The following DNAI3 variants were observed in gnomAD, a reference collection of about 807,000 sequenced individuals.
The protein encoded by DNAI3 is dynein axonemal intermediate chain 3.
DNAI3 carries 83 observed loss-of-function variants against 115.5 expected under a neutral mutation model. The ratio of observed to expected loss-of-function variants is 0.72; its 90% CI spans 0.60 to 0.86. The LOEUF (loss-of-function observed/expected upper bound fraction) is 0.86, where lower values mean the gene tolerates loss of function less well. DNAI3 is among the 40% of genes least tolerant of loss of function. The pLI is 0.00. For synonymous variants in DNAI3, 320 were observed against 347.0 expected, an observed-to-expected ratio of 0.92 and a Z score of 0.86; for missense variants, 1,004 against 1,075.8, an observed-to-expected ratio of 0.93 and a Z score of 0.93.
chr1:85,062,804 T>G (rs1257182637), intron 1 of DNAI3, among the ~76,000 whole-genome samples: 1 of 150,666 alleles, frequency 6.6e-6, no homozygotes, highest in South Asian at 2.1e-4. Context: ...ATGAGTCAGT[T>G]AATGAATGAA....
At chr1:85,105,483 G>A (rs1655459609) in intron 14 of DNAI3, among the ~76,000 whole-genome samples, 1 of 146,918 alleles carries the variant, frequency 6.8e-6, no homozygotes, top group Non-Finnish European at 1.5e-5. Context: ...GTGCGAGATT[G>A]CGCCATTGCA....
chr1:85,072,628 TGA>T (rs1491397804), intron 2 of DNAI3, among the ~76,000 whole-genome samples: 33 of 122,948 alleles, frequency 2.7e-4, no homozygotes, highest in African/African-American at 1.0e-3. Context: ...GGCAACAGAC[TGA>T]GACTCCATCT....
chr1:85,095,888 T>A, intron 10 of DNAI3, 43 bp from the exon 11 acceptor site: 1 of 1,548,930 alleles, frequency 6.5e-7, no homozygotes, highest in Non-Finnish European at 8.9e-7. Flanking sequence ...ATGATCTTAA[T>A]CTCTTTTCTC....
At chr1:85,073,906 CA>C (rs1654368934) in intron 3 of DNAI3, among the ~76,000 whole-genome samples, 1 of 152,038 alleles carries the variant, frequency 6.6e-6, no homozygotes, top group Non-Finnish European at 1.5e-5. Context: ...GTAGAGGGGG[CA>C]GAGGTGTGGA....
intron 20 of DNAI3, among the ~76,000 whole-genome samples, chr1:85,128,436 A>C (rs1656214908): frequency 6.6e-6 from 1 of 152,200 alleles, no homozygotes. Flanking sequence ...GCCAGGAGCC[A>C]CATTCCTTAT....
At chr1:85,110,161 A>T in intron 16 of DNAI3, 26 bp downstream of exon 16, 1 of 1,604,144 alleles carries the variant, frequency 6.2e-7, no homozygotes, top group Non-Finnish European at 8.5e-7. Context: ...TATTTAAAAA[A>T]AAAAAAAAGG....
chr1:85,085,800 A>G (rs574118617), intron 6 of DNAI3, 31 bp from the exon 7 acceptor site: 3 of 1,143,188 alleles, frequency 2.6e-6, no homozygotes, highest in African/African-American at 3.7e-5. Context: ...GGACTTCATT[A>G]TGTTACCTTT....
Position 85,128,784 on chromosome 1 carries a change from C to T in DNAI3, c.2394C>T (p.Arg798=), listed in dbSNP as rs1347414895. 11 of 1,612,816 alleles carry T rather than the reference C, an allele frequency of 6.8e-6. No homozygotes were observed. The highest frequency in any genetic ancestry group is 9.3e-6 in the Non-Finnish European group (11 of 1,179,478). Residue 798 remains arginine, a synonymous_variant, in exon 21 of 23, where the codon CGC becomes CGT. Coordinates refer to ENST00000294664, the MANE Select transcript of DNAI3 (RefSeq NM_145172.5). The part of the protein sequence containing the change: ...HILEIPWTLS[R]PSTNEMASVN... Reference sequence around the variant, plus strand: ...TAGAAATTCCTTGGACATTAAGTCGCCCTTCCACCAATGAGGTTAGTAACT... The same window carrying T: ...TAGAAATTCCTTGGACATTAAGTCGTCCTTCCACCAATGAGGTTAGTAACT...
chr1:85,103,831 G>C (rs1402126431), intron 13 of DNAI3, among the ~76,000 whole-genome samples: 1 of 151,062 alleles, frequency 6.6e-6, no homozygotes, highest in Non-Finnish European at 1.5e-5. Context: ...AGGTTGCAGT[G>C]AGCTGAGATT....
intron 20 of DNAI3, 102 bp from the exon 21 acceptor site, chr1:85,128,606 T>C: frequency 1.2e-6 from 1 of 866,144 alleles, no homozygotes; most frequent in South Asian, 1.7e-5. Flanking sequence ...CCACAGCAGG[T>C]CCTTTGGGAG....
At chr1:85,073,022 T>A in intron 2 of DNAI3, 32 bp from the exon 3 acceptor site, 1 of 1,375,604 alleles carries the variant, frequency 7.3e-7, no homozygotes, top group Non-Finnish European at 9.8e-7. Flanking sequence ...GATTCAAAAA[T>A]GTAAATTTGA....
chr1:85,133,039 T>C lies in DNAI3; in HGVS notation c.*41T>C, dbSNP rs1418046247. Reference sequence around the variant, plus strand: ...GGGTGTTTTGGGGACTTCTTCCCTCTATTTATTTTTATGTCAGGTGAACTG... The same window carrying C: ...GGGTGTTTTGGGGACTTCTTCCCTCCATTTATTTTTATGTCAGGTGAACTG... On this transcript the variant is annotated 3_prime_UTR_variant, in exon 23 of 23. Coordinates refer to ENST00000294664, the MANE Select transcript of DNAI3 (RefSeq NM_145172.5). 6.3e-7 allele frequency: 1 copy of C among 1,577,792 alleles called. No individual in the cohort carries two copies.
At chr1:85,127,297 A>C (rs1455386458) in intron 20 of DNAI3, among the ~76,000 whole-genome samples, 2 of 152,258 alleles carry the variant, frequency 1.3e-5, no homozygotes. Flanking sequence ...TAACAAAACA[A>C]GCATAAATTC....
intron 5 of DNAI3, among the ~76,000 whole-genome samples, chr1:85,083,560 T>C (rs1207433160): frequency 1.3e-5 from 2 of 152,182 alleles, no homozygotes; most frequent in Non-Finnish European, 2.9e-5. Context: ...CTTAACATTT[T>C]CAATTTTATT....
Position 85,129,999 on chromosome 1 carries a change from G to A in DNAI3, c.2419G>A (p.Val807Ile). The stretch of plus-strand genomic sequence containing the variant: ...CTTCTGTTTCTAACAGATGGCAAGT[G>A]TCAACCACTATTTTGAAAGAGAAGT... ...SRPSTNEMAS[V>I]NHYFEREVKH... The change falls in exon 22 of 23, where the codon GTC becomes ATC. Residue 807 changes from valine to isoleucine, a missense_variant. Physicochemically the swap from Val to Ile is conservative, Grantham distance 29. Transcript: ENST00000294664. The A allele has an allele frequency of 1.2e-6, 2 of 1,612,668 alleles. No individual in the cohort carries two copies. Among genetic ancestry groups the A allele is most frequent in the Non-Finnish European group, 1.7e-6 (2 of 1,179,516 alleles).
chr1:85,111,753 T>C (rs1356378436), intron 16 of DNAI3, among the ~76,000 whole-genome samples: 3 of 152,196 alleles, frequency 2.0e-5, no homozygotes, highest in Admixed American at 6.5e-5. Context: ...TCTTTTAAAG[T>C]GTGAGGGGTT....
chr1:85,063,444 G>T (rs998565225), intron 1 of DNAI3, among the ~76,000 whole-genome samples: 2 of 152,140 alleles, frequency 1.3e-5, no homozygotes, highest in Non-Finnish European at 2.9e-5. Context: ...AAAGGTTGAC[G>T]CAGTGAGGCA....
rs1423979077 is a variant in DNAI3, at chr1:85,126,680, C to T, written c.2282C>T (p.Thr761Ile). 3.1e-6 allele frequency: 5 copies of T among 1,614,124 alleles called. No homozygotes were observed. Among genetic ancestry groups the T allele is most frequent in the Non-Finnish European group, 3.4e-6 (4 of 1,180,006 alleles). ...GCCCAGTCTCAAAACATTTGCATAACTATGATCACCTACATCAAACCCTGG... is the reference window on the plus strand; with the variant it reads ...GCCCAGTCTCAAAACATTTGCATAATTATGATCACCTACATCAAACCCTGG... ...EPAQSQNICITMITYIKPWIF... is the reference protein window; with the variant it reads ...EPAQSQNICIIMITYIKPWIF... The change falls in exon 20 of 23, where the codon ACT becomes ATT. Residue 761 changes from threonine to isoleucine, a missense_variant. Around this residue, in one of 3 missense-constraint regions of DNAI3, gnomAD observed 429 missense variants for 454.3 expected, o/e 0.94. Transcript: ENST00000294664.
At chr1:85,091,925 C>T (rs183505395) in intron 8 of DNAI3, among the ~76,000 whole-genome samples, 7 of 152,278 alleles carry the variant, frequency 4.6e-5, no homozygotes, top group African/African-American at 4.8e-5. Flanking sequence ...GAAACCAGAG[C>T]GGAAGCCACG....
Sources: allele counts gnomAD v4.1 joint callset (sites outside exome capture counted in the v4.1 genomes callset), GRCh38; gene constraint gnomAD v4.1.1; regional missense constraint gnomAD v4.1.1; transcripts MANE v1.5; gene names NCBI Gene and HGNC (gene_info 2026-07-23, HGNC 2026-07-21).